The following CTNNA2 variants were observed in gnomAD, a reference collection of about 807,000 sequenced individuals.
CTNNA2 encodes catenin alpha-2.
Under a neutral mutation model 101.0 loss-of-function variants are expected in CTNNA2, and 42 were observed. That is an observed-to-expected ratio of 0.42 (90% CI 0.32 to 0.54). The LOEUF is 0.54. Ranked by LOEUF, CTNNA2 falls within the 20% of genes least tolerant of loss-of-function variation. CTNNA2 has a pLI of 0.14. For synonymous variants in CTNNA2, 450 were observed against 456.4 expected (o/e 0.99, Z 0.18); for missense variants, 871 against 1,223.1 (o/e 0.71, Z 4.29).
intron 4 of CTNNA2, among the ~76,000 whole-genome samples, chr2:79,420,692 G>A (rs1320311386): frequency 1.3e-5 from 2 of 152,128 alleles, no homozygotes; most frequent in African/African-American, 2.4e-5. Context: ...TTGTTTAGAG[G>A]ATTAACTGTG....
At chr2:80,331,347 C>T (rs1261620171) in intron 7 of CTNNA2, among the ~76,000 whole-genome samples, 3 of 152,112 alleles carry the variant, frequency 2.0e-5, no homozygotes, top group Non-Finnish European at 2.9e-5. Flanking sequence ...GCCATCCAAG[C>T]GTATGGGTTT....
intron 7 of CTNNA2, among the ~76,000 whole-genome samples, chr2:80,279,080 G>GTGTGTGTGTGTA (rs1674155914): frequency 6.6e-6 from 1 of 151,620 alleles, no homozygotes; most frequent in Non-Finnish European, 1.5e-5. Context: ...GTGTGTGTGT[G>GTGTGTGTGTGTA]TGTGTGAAAC....
chr2:80,211,525 G>C (rs983654063), intron 7 of CTNNA2, among the ~76,000 whole-genome samples: 5 of 152,152 alleles, frequency 3.3e-5, no homozygotes, highest in Admixed American at 2.6e-4. Flanking sequence ...TCAGATGGTT[G>C]TAGATGTGTA....
At chr2:79,459,553 G>C (rs540865077) in intron 4 of CTNNA2, among the ~76,000 whole-genome samples, 2 of 152,006 alleles carry the variant, frequency 1.3e-5, no homozygotes, top group Non-Finnish European at 2.9e-5. Flanking sequence ...AGTTTTACTC[G>C]TAGGAACATT....
At chr2:80,404,417 A>G (rs1427745385) in intron 8 of CTNNA2, among the ~76,000 whole-genome samples, 1 of 152,154 alleles carries the variant, frequency 6.6e-6, no homozygotes, top group African/African-American at 2.4e-5. Context: ...TCAACAAAGA[A>G]TGTCCCCCAG....
intron 3 of CTNNA2, among the ~76,000 whole-genome samples, chr2:79,813,151 A>C (rs1216897110): frequency 2.6e-5 from 4 of 152,162 alleles, no homozygotes; most frequent in Non-Finnish European, 5.9e-5. Flanking sequence ...TTGTCACCCA[A>C]AATTTCAAAG....
intron 7 of CTNNA2, among the ~76,000 whole-genome samples, chr2:80,287,854 G>C (rs150849655): frequency 6.6e-6 from 1 of 152,130 alleles, no homozygotes; most frequent in Non-Finnish European, 1.5e-5. Context: ...TCACACCTTC[G>C]ATAGGGTACA....
At chr2:80,635,464 GAA>G (rs1244146666) in intron 18 of CTNNA2, among the ~76,000 whole-genome samples, 10 of 152,110 alleles carry the variant, frequency 6.6e-5, no homozygotes, top group South Asian at 4.1e-4. Context: ...TTTCTGTAAT[GAA>G]AAAAGAGTTG....
intron 2 of CTNNA2, among the ~76,000 whole-genome samples, chr2:79,715,037 CAAA>C (rs60331511): frequency 6.2e-5 from 6 of 97,134 alleles, no homozygotes; most frequent in Admixed American, 1.1e-4. Context: ...CTAAAAATAC[CAAA>C]AAAAAAAAAA....
intron 2 of CTNNA2, among the ~76,000 whole-genome samples, chr2:79,202,387 G>A (rs918928607): frequency 1.3e-5 from 2 of 151,308 alleles, no homozygotes; most frequent in African/African-American, 2.4e-5. Context: ...CTGTCACCCA[G>A]GCTGAACTGA....
chr2:80,560,604 G>A (rs1201323702), intron 12 of CTNNA2, among the ~76,000 whole-genome samples: 1 of 152,082 alleles, frequency 6.6e-6, no homozygotes, highest in African/African-American at 2.4e-5. Flanking sequence ...ATCTGGACGA[G>A]GGCCTTCATT....
chr2:80,595,300 A>C (rs767192516), intron 15 of CTNNA2, among the ~76,000 whole-genome samples: 1 of 152,022 alleles, frequency 6.6e-6, no homozygotes, highest in Non-Finnish European at 1.5e-5. Context: ...TTTATTTACT[A>C]GTGTCTAGAA....
intron 4 of CTNNA2, among the ~76,000 whole-genome samples, chr2:79,404,611 C>T (rs1371756373): frequency 6.6e-6 from 1 of 152,040 alleles, no homozygotes; most frequent in Non-Finnish European, 1.5e-5. Context: ...GACTTAAAAG[C>T]ACAACTTCTA....
intron 2 of CTNNA2, among the ~76,000 whole-genome samples, chr2:79,680,370 T>C (rs1254460732): frequency 1.3e-5 from 2 of 152,130 alleles, no homozygotes; most frequent in Non-Finnish European, 2.9e-5. Flanking sequence ...CCTGTTCTGC[T>C]AGGGGCCTCT....
chr2:80,171,366 A>G (rs1341288346), intron 7 of CTNNA2, among the ~76,000 whole-genome samples: 1 of 152,222 alleles, frequency 6.6e-6, no homozygotes, highest in African/African-American at 2.4e-5. Context: ...CGCCAATCTC[A>G]AATAAAGCAG....
intron 7 of CTNNA2, among the ~76,000 whole-genome samples, chr2:80,380,785 C>T (rs1676446730): frequency 6.6e-6 from 1 of 152,150 alleles, no homozygotes; most frequent in Admixed American, 6.5e-5. Flanking sequence ...AATATGCATT[C>T]TCAAGTCTCC....
chr2:80,234,626 A>C (rs1376833825), intron 7 of CTNNA2, among the ~76,000 whole-genome samples: 1 of 152,160 alleles, frequency 6.6e-6, no homozygotes, highest in East Asian at 1.9e-4. Context: ...AGTCTCAGGC[A>C]AGAGGGTGAG....
intron 3 of CTNNA2, among the ~76,000 whole-genome samples, chr2:79,366,152 T>A (rs1463937109): frequency 1.3e-5 from 2 of 152,210 alleles, no homozygotes; most frequent in Non-Finnish European, 2.9e-5. Context: ...CGTGCAGGGC[T>A]AAGGAGGAGC....
chr2:80,170,032 G>T (rs1704945135), intron 7 of CTNNA2, among the ~76,000 whole-genome samples: 1 of 152,160 alleles, frequency 6.6e-6, no homozygotes, highest in South Asian at 2.1e-4. Context: ...CAAGAACTCA[G>T]TAAATAATTG....
Sources: gnomAD v4.1 joint callset for allele counts (sites outside exome capture counted in the v4.1 genomes callset) on GRCh38, gnomAD v4.1.1 for gene constraint, MANE v1.5 for transcripts, NCBI Gene and HGNC (gene_info 2026-07-23, HGNC 2026-07-21) for gene names.